CLASP1: variants seen among roughly 807,000 people sequenced by gnomAD.
CLASP1 encodes cytoplasmic linker associated protein 1.
In CLASP1, 38 loss-of-function variants were observed where a neutral mutation model predicts 192.3. The observed-to-expected ratio is 0.20, with a 90% CI of 0.15 to 0.26. The LOEUF (loss-of-function observed/expected upper bound fraction) is 0.26. Among genes scored for constraint, CLASP1 ranks in the 10% least tolerant of loss-of-function variants. The pLI is 1.00. For missense variants in CLASP1, 1,433 were observed against 1,932.5 expected, an observed-to-expected ratio of 0.74 and a Z score of 4.85; for synonymous variants, 691 against 712.8, an observed-to-expected ratio of 0.97 and a Z score of 0.49.
chr2:121,341,086 T>C lies in CLASP1; in HGVS notation c.4531-139A>G. On this transcript the variant is annotated intron_variant, in intron 39 of 39. Transcript: ENST00000263710. Reference sequence around the variant, plus strand: ...GGTTGAGGAATTCATTATAAAAACATGTTCTGAGTGCCTGCTGCCCATCCA... The same window carrying C: ...GGTTGAGGAATTCATTATAAAAACACGTTCTGAGTGCCTGCTGCCCATCCA... 6 of 657,782 alleles carry C rather than the reference T, an allele frequency of 9.1e-6. No individual in the cohort carries two copies. The Middle Eastern group carries it at 8.0e-4, about 87-fold the overall frequency. 40.7% of individuals were successfully genotyped at this position (657,782 alleles called of 1,614,324 possible). A position where few individuals can be genotyped will look rare whatever the true frequency, so the allele number is the denominator to read the frequency against.
intron 1 of CLASP1, among the ~76,000 whole-genome samples, chr2:121,611,598 G>T (rs551722009): frequency 7.5e-6 from 1 of 132,864 alleles, no homozygotes; most frequent in Non-Finnish European, 1.6e-5. Context: ...TGGAGGAGGA[G>T]GAGTTGGAGG....
intron 2 of CLASP1, among the ~76,000 whole-genome samples, chr2:121,600,287 T>C (rs529685994): frequency 2.6e-5 from 4 of 152,308 alleles, no homozygotes; most frequent in Non-Finnish European, 4.4e-5. Flanking sequence ...CCATAAGACA[T>C]AGCCCTTGAG....
chr2:121,340,787 G>T, exon 40 of CLASP1: 1 of 1,139,594 alleles, frequency 8.8e-7, no homozygotes, highest in Non-Finnish European at 1.3e-6. Flanking sequence ...GGCAGCCGAT[G>T]AAGGGGGTGG....
chr2:121,541,441 T>C (rs1257585066), intron 2 of CLASP1, among the ~76,000 whole-genome samples: 1 of 152,236 alleles, frequency 6.6e-6, no homozygotes, highest in African/African-American at 2.4e-5. Context: ...TCCAGGGTTG[T>C]AAAGTTTGGT....
intron 23 of CLASP1, among the ~76,000 whole-genome samples, chr2:121,412,559 T>C (rs1426227963): frequency 6.6e-6 from 1 of 151,852 alleles, no homozygotes; most frequent in Non-Finnish European, 1.5e-5. Flanking sequence ...ATTAAAAAAT[T>C]ACCCAGCATA....
At chr2:121,375,361 A>ATTTTTT (rs34714381) in intron 34 of CLASP1, among the ~76,000 whole-genome samples, 2 of 116,986 alleles carry the variant, frequency 1.7e-5, no homozygotes, top group African/African-American at 6.6e-5. Context: ...CTAGTTTCTG[A>ATTTTTT]TTTTTTTTTT....
chr2:121,474,146 T>C lies in CLASP1; in HGVS notation c.713-4186A>G, dbSNP rs921630342. On this transcript the variant is annotated intron_variant, in intron 8 of 39. Coordinates refer to ENST00000263710, the Ensembl canonical transcript of CLASP1. ...TGTTTAAAGCAAAAATATTTAGCTTTCATTCTTTTTATATTCTTATGTAAT... is the reference window on the plus strand; with the variant it reads ...TGTTTAAAGCAAAAATATTTAGCTTCCATTCTTTTTATATTCTTATGTAAT... Among the ~76,000 whole-genome samples the C allele has an allele frequency of 2.6e-5, 4 of 152,286 alleles. No individual in the cohort carries two copies. The South Asian group carries it at 8.3e-4, about 32-fold the overall frequency.
chr2:121,594,292 T>C (rs1449949282), intron 2 of CLASP1, among the ~76,000 whole-genome samples: 1 of 139,842 alleles, frequency 7.2e-6, no homozygotes, highest in Non-Finnish European at 1.5e-5. Context: ...AGAGGGAGAC[T>C]CCGTCTCAAA....
chr2:121,597,731 G>GA (rs1383585743), intron 2 of CLASP1, among the ~76,000 whole-genome samples: 1 of 152,198 alleles, frequency 6.6e-6, no homozygotes, highest in Non-Finnish European at 1.5e-5. Flanking sequence ...CCCCTGCTAA[G>GA]AAACGTTGTT....
intron 22 of CLASP1, among the ~76,000 whole-genome samples, chr2:121,419,746 A>G (rs1013018045): frequency 6.6e-6 from 1 of 152,162 alleles, no homozygotes; most frequent in Non-Finnish European, 1.5e-5. Flanking sequence ...AAATACTCCA[A>G]AACAACCTTG....
chr2:121,645,701 G>C (rs538771993), intron 1 of CLASP1, among the ~76,000 whole-genome samples: 12 of 152,130 alleles, frequency 7.9e-5, no homozygotes, highest in Non-Finnish European at 1.6e-4. Context: ...CAAGGAGTGA[G>C]GAAACTTCCA....
At chr2:121,482,929 G>A (rs1365242919) in intron 8 of CLASP1, among the ~76,000 whole-genome samples, 2 of 152,170 alleles carry the variant, frequency 1.3e-5, no homozygotes, top group Admixed American at 1.3e-4. Flanking sequence ...AACAGACAGA[G>A]CCTTCTCCAA....
intron 32 of CLASP1, 144 bp from the exon 34 acceptor site, chr2:121,382,468 C>G: frequency 1.7e-6 from 1 of 586,440 alleles, no homozygotes; most frequent in Non-Finnish European, 3.0e-6. Flanking sequence ...AAAATTAGCA[C>G]TTCATCATAC....
intron 32 of CLASP1, 61 bp downstream of exon 33, chr2:121,387,061 G>C: frequency 7.7e-7 from 1 of 1,303,616 alleles, no homozygotes. Flanking sequence ...GAAATAGGAT[G>C]CACAGCAATT....
intron 29 of CLASP1, 83 bp downstream of exon 30, chr2:121,398,238 TA>T (rs2075609279): frequency 1.0e-6 from 1 of 973,194 alleles, no homozygotes; most frequent in Non-Finnish European, 1.6e-6. Flanking sequence ...TCACAATAGC[TA>T]AACATGGGTC....
intron 2 of CLASP1, among the ~76,000 whole-genome samples, chr2:121,573,380 G>A (rs555240147): frequency 1.7e-4 from 26 of 152,170 alleles, no homozygotes; most frequent in African/African-American, 4.3e-4. Flanking sequence ...TCTTTAGCAC[G>A]CCAAGAATGT....
intron 28 of CLASP1, among the ~76,000 whole-genome samples, chr2:121,399,994 C>T (rs116254909): frequency 0.046 from 6,970 of 152,060 alleles, 540 homozygotes; most frequent in African/African-American, 0.16. Context: ...TGGCCACAAC[C>T]GGCCCCAGTC....
rs569638886 is a variant in CLASP1, at chr2:121,640,233, C to A, written c.-286+9139G>T. On this transcript the variant is annotated intron_variant, in intron 1 of 39. Coordinates refer to ENST00000263710, the Ensembl canonical transcript of CLASP1. ...TAGGGTCTGCCATGGGGTGGGGGGC[C>A]GGGGGAGGAATAGCATTGGGAGAAA... 6.6e-5 allele frequency among the ~76,000 whole-genome samples: 6 copies of A among 90,664 alleles called. 1 individual carries two copies. The highest frequency in any genetic ancestry group is 2.6e-4 in the African/African-American group (6 of 22,806). The allele number at this position is 90,664 out of a possible 152,430, so 59.5% of individuals were successfully genotyped here.
chr2:121,646,095 G>C (rs571250264), intron 1 of CLASP1, among the ~76,000 whole-genome samples: 1 of 152,258 alleles, frequency 6.6e-6, no homozygotes, highest in South Asian at 2.1e-4. Flanking sequence ...TTGTTTTTAA[G>C]ACTAACAGAT....
Sources: gnomAD v4.1 joint callset for allele counts (sites outside exome capture counted in the v4.1 genomes callset) on GRCh38, gnomAD v4.1.1 for gene constraint, MANE v1.5 for transcripts, NCBI Gene and HGNC (gene_info 2026-07-23, HGNC 2026-07-21) for gene names.